The following THSD7B variants were observed in gnomAD, a reference collection of about 807,000 sequenced individuals.
THSD7B encodes the protein thrombospondin type-1 domain-containing protein 7B.
Under a neutral mutation model 213.6 loss-of-function variants are expected in THSD7B, and 138 were observed. The observed-to-expected ratio is 0.65, with a 90% confidence interval of 0.56 to 0.74. THSD7B has a LOEUF of 0.74. Among genes scored for constraint, THSD7B ranks in the 30% least tolerant of loss-of-function variants. THSD7B has a pLI of 0.00. For missense variants in THSD7B, 1,931 were observed against 1,991.5 expected, an observed-to-expected ratio of 0.97 and a Z score of 0.58; for synonymous variants, 742 against 687.0, an observed-to-expected ratio of 1.08 and a Z score of -1.25.
intron 1 of THSD7B, among the ~76,000 whole-genome samples, chr2:136,871,061 G>A (rs575266245): frequency 1.3e-5 from 2 of 152,174 alleles, no homozygotes; most frequent in South Asian, 2.1e-4. Context: ...TTGATTTTTC[G>A]ATGCGACAAA....
At chr2:137,085,135 A>G (rs1188728405) in intron 3 of THSD7B, among the ~76,000 whole-genome samples, 1 of 152,230 alleles carries the variant, frequency 6.6e-6, no homozygotes, top group African/African-American at 2.4e-5. Flanking sequence ...CTATCCTGAG[A>G]AAAAGGCAAG....
At chr2:137,010,082 G>C (rs964957463) in intron 2 of THSD7B, among the ~76,000 whole-genome samples, 1 of 152,074 alleles carries the variant, frequency 6.6e-6, no homozygotes, top group African/African-American at 2.4e-5. Flanking sequence ...TTGAGGTCTT[G>C]TAACTATGCA....
At chr2:137,208,576 T>C (rs1473387785) in intron 7 of THSD7B, among the ~76,000 whole-genome samples, 5 of 152,082 alleles carry the variant, frequency 3.3e-5, no homozygotes, top group Admixed American at 6.6e-5. Flanking sequence ...ACAGTTGTTA[T>C]GGAGGTCTGC....
At chr2:137,198,098 C>T (rs559695438) in intron 7 of THSD7B, among the ~76,000 whole-genome samples, 1 of 152,264 alleles carries the variant, frequency 6.6e-6, no homozygotes, top group African/African-American at 2.4e-5. Context: ...TTCAAATTTT[C>T]ATTACATCTT....
intron 1 of THSD7B, among the ~76,000 whole-genome samples, chr2:136,766,400 G>T (rs1235818664): frequency 6.6e-6 from 1 of 151,918 alleles, no homozygotes; most frequent in Non-Finnish European, 1.5e-5. Context: ...GGGCTTGAGA[G>T]TGAGGGGCAG....
rs201121736 is a variant in THSD7B, at chr2:137,264,247, CT to C, written c.2267-8271del. On this transcript the variant is annotated intron_variant, in intron 10 of 27. Coordinates refer to ENST00000409968, the MANE Select transcript of THSD7B (RefSeq NM_001316349.2). ...TCTATAGTATTGACTTAGAAACAGC[CT>C]TTTTTTTTTTTTTTCTTTTTTTGAG... is the stretch of plus-strand genomic sequence containing the variant. Among the ~76,000 whole-genome samples, 1,253 of 139,968 alleles carry C rather than the reference CT, an allele frequency of 9.0e-3. 14 individuals carry two copies. Among genetic ancestry groups the C allele is most frequent in the African/African-American group, 0.025 (976 of 38,364 alleles). 91.8% of individuals were successfully genotyped at this position (139,968 alleles called of 152,430 possible).
chr2:136,766,892 C>T (rs1681406517), intron 1 of THSD7B, among the ~76,000 whole-genome samples: 1 of 152,098 alleles, frequency 6.6e-6, no homozygotes, highest in Non-Finnish European at 1.5e-5. Flanking sequence ...TGTTTCTCAG[C>T]GGTACACCTG....
At position 137,452,050 on chromosome 2, in the gene THSD7B, A is replaced by G. The variant is rs541806656; in HGVS notation, c.3138+1027A>G. Reference sequence around the variant, plus strand: ...CATGTTTAGTACTGCTCAGACTTGAATATCATGTATCAATTCAAGACCAAT... The same window carrying G: ...CATGTTTAGTACTGCTCAGACTTGAGTATCATGTATCAATTCAAGACCAAT... On this transcript the variant is annotated intron_variant, in intron 15 of 27. Transcript: ENST00000409968. The G allele has an allele frequency of 5.0e-5, 48 of 955,996 alleles. 2 individuals are homozygous for G. The South Asian group carries it at 2.3e-3, about 45-fold the overall frequency. The allele number at this position is 955,996 out of a possible 1,614,324, so 59.2% of individuals were successfully genotyped here.
intron 25 of THSD7B, among the ~76,000 whole-genome samples, chr2:137,660,819 A>G (rs913416554): frequency 6.6e-6 from 1 of 152,176 alleles, no homozygotes; most frequent in Non-Finnish European, 1.5e-5. Flanking sequence ...TTCAATTAAA[A>G]CCAACTGAAA....
chr2:137,059,394 A>G (rs1291438523), intron 3 of THSD7B, among the ~76,000 whole-genome samples: 1 of 152,170 alleles, frequency 6.6e-6, no homozygotes, highest in Non-Finnish European at 1.5e-5. Context: ...TAAAGACTAT[A>G]GTTTACATTA....
chr2:137,414,782 G>A (rs1303927629), intron 14 of THSD7B, among the ~76,000 whole-genome samples: 1 of 150,764 alleles, frequency 6.6e-6, no homozygotes, highest in African/African-American at 2.4e-5. Flanking sequence ...TAGGTTAGGT[G>A]CAGTGGCTCA....
At chr2:137,559,195 A>G (rs1681051274) in intron 15 of THSD7B, among the ~76,000 whole-genome samples, 2 of 152,182 alleles carry the variant, frequency 1.3e-5, no homozygotes, top group Admixed American at 1.3e-4. Flanking sequence ...GACTTTCTTC[A>G]CAGAATTGGA....
At chr2:136,770,609 A>AGGCC (rs1291240783) in intron 1 of THSD7B, among the ~76,000 whole-genome samples, 1 of 152,206 alleles carries the variant, frequency 6.6e-6, no homozygotes, top group East Asian at 1.9e-4. Context: ...TATGGCAAAG[A>AGGCC]GGCCTTGGGA....
chr2:137,600,033 C>T (rs982743668), intron 17 of THSD7B, among the ~76,000 whole-genome samples: 9 of 152,280 alleles, frequency 5.9e-5, no homozygotes, highest in Middle Eastern at 3.4e-3. Context: ...CCACCTCCTT[C>T]TCTGCCTCCT....
Position 136,925,208 on chromosome 2 carries a change from T to C in THSD7B, c.139+42891T>C, listed in dbSNP as rs561266479. Among the ~76,000 whole-genome samples the C allele has an allele frequency of 3.0e-4, 45 of 152,332 alleles. 2 individuals carry two copies. In the South Asian group the frequency reaches 9.3e-3, roughly 32 times the overall value. Reference sequence around the variant, plus strand: ...GCTCTGGCTAGGACTTCCAGTAGTATGTTGGATAGCAGTGGTGAGAGTGGA... The same window carrying C: ...GCTCTGGCTAGGACTTCCAGTAGTACGTTGGATAGCAGTGGTGAGAGTGGA... On this transcript the variant is annotated intron_variant, in intron 2 of 27. Coordinates refer to ENST00000409968, the MANE Select transcript of THSD7B (RefSeq NM_001316349.2).
intron 1 of THSD7B, among the ~76,000 whole-genome samples, chr2:136,860,815 C>A (rs1178898984): frequency 6.6e-6 from 1 of 152,216 alleles, no homozygotes; most frequent in African/African-American, 2.4e-5. Context: ...CCAAATTACT[C>A]ATAGTAAAAG....
intron 15 of THSD7B, among the ~76,000 whole-genome samples, chr2:137,518,956 A>T (rs553244604): frequency 3.2e-4 from 48 of 152,282 alleles, no homozygotes; most frequent in Non-Finnish European, 6.2e-4. Flanking sequence ...TCACTGGAAA[A>T]GGGGAAAGGG....
At chr2:137,038,817 A>T (rs375697843) in intron 2 of THSD7B, among the ~76,000 whole-genome samples, 1 of 152,220 alleles carries the variant, frequency 6.6e-6, no homozygotes, top group Non-Finnish European at 1.5e-5. Context: ...AAGTTGGCAC[A>T]TTCCAGTTTG....
At chr2:137,573,800 G>A (rs1413439564) in intron 17 of THSD7B, among the ~76,000 whole-genome samples, 1 of 152,050 alleles carries the variant, frequency 6.6e-6, no homozygotes, top group Non-Finnish European at 1.5e-5. Flanking sequence ...TACTTAATAA[G>A]TGATGAGCTC....
Sources: allele counts gnomAD v4.1 joint callset (sites outside exome capture counted in the v4.1 genomes callset), GRCh38; gene constraint gnomAD v4.1.1; transcripts MANE v1.5; gene names NCBI Gene and HGNC (gene_info 2026-07-23, HGNC 2026-07-21).